The following LUZP1 variants were observed in gnomAD, a reference collection of about 807,000 sequenced individuals.
The protein encoded by LUZP1 is leucine zipper protein 1.
In LUZP1, 25 loss-of-function variants were observed where a neutral mutation model predicts 71.3. The observed-to-expected ratio is 0.35, with a 90% CI of 0.26 to 0.49. The LOEUF (loss-of-function observed/expected upper bound fraction) is 0.49, where lower values mean the gene tolerates loss of function less well. Among genes scored for constraint, LUZP1 ranks in the 20% least tolerant of loss-of-function variants. The pLI is 0.99. For synonymous variants in LUZP1, 481 were observed against 506.4 expected (o/e 0.95, Z 0.67); for missense variants, 1,142 against 1,300.8 (o/e 0.88, Z 1.88).
At chr1:23,125,707 G>A (rs886999106) in intron 2 of LUZP1, among the ~76,000 whole-genome samples, 1 of 152,108 alleles carries the variant, frequency 6.6e-6, no homozygotes, top group Non-Finnish European at 1.5e-5. Context: ...CTGTCTCATC[G>A]ACACATCTTA....
chr1:23,107,188 C>T (rs998969988), intron 3 of LUZP1, among the ~76,000 whole-genome samples: 6 of 152,206 alleles, frequency 3.9e-5, no homozygotes, highest in Non-Finnish European at 7.3e-5. Flanking sequence ...ATCACCTCAT[C>T]AGAGGCCTTC....
intron 2 of LUZP1, among the ~76,000 whole-genome samples, chr1:23,166,373 G>C (rs2148215472): frequency 6.6e-6 from 1 of 152,150 alleles, no homozygotes; most frequent in East Asian, 1.9e-4. Flanking sequence ...CAGGGATGCT[G>C]ACTGGGAGCG....
Position 23,127,673 on chromosome 1 carries a change from G to A in LUZP1, c.-225-18546C>T, listed in dbSNP as rs182455378. ...CAAGTAGCTGGGACTACAAGCGCCC[G>A]CCTCCAAGCCCAGCTAATTTTTTGC... is the stretch of plus-strand genomic sequence containing the variant. On this transcript the variant is annotated intron_variant, in intron 2 of 4. Coordinates refer to ENST00000302291, the Ensembl canonical transcript of LUZP1. Among the ~76,000 whole-genome samples, 773 of 152,140 alleles carry A rather than the reference G, an allele frequency of 5.1e-3. 5 individuals are homozygous for A. The highest frequency in any genetic ancestry group is 0.018 in the African/African-American group (733 of 41,542).
At chr1:23,117,529 G>GGCGGGGGA (rs371517574) in intron 2 of LUZP1, among the ~76,000 whole-genome samples, 61 of 85,602 alleles carry the variant, frequency 7.1e-4, no homozygotes, top group Admixed American at 1.0e-3. Context: ...CGGGGGGGGG[G>GGCGGGGGA]AACACCTTGA....
intron 2 of LUZP1, among the ~76,000 whole-genome samples, chr1:23,132,793 T>C (rs1644225016): frequency 6.6e-6 from 1 of 152,226 alleles, no homozygotes; most frequent in African/African-American, 2.4e-5. Context: ...ATAAGTATTC[T>C]ATCAACTTTT....
rs59486855 is a variant in LUZP1 at position 23,138,697 on chromosome 1, GTATATATA to G, written c.-225-29578_-225-29571del. On this transcript the variant is annotated intron_variant, in intron 2 of 4. Transcript: ENST00000302291. Reference sequence around the variant, plus strand: ...TGTGTGTGTGTGTGTGTGTGTGTGTGTATATATATATATATATAAATGAGGCCAGGCAC... The same window carrying G: ...TGTGTGTGTGTGTGTGTGTGTGTGTGTATATATATAAATGAGGCCAGGCAC... 3.7e-3 allele frequency among the ~76,000 whole-genome samples: 503 copies of G among 135,960 alleles called. 4 individuals are homozygous for G. The highest frequency in any genetic ancestry group is 0.012 in the East Asian group (56 of 4,712). 89.2% of individuals were successfully genotyped at this position (135,960 alleles called of 152,430 possible). A position where few individuals can be genotyped will look rare whatever the true frequency, so the allele number is the denominator to read the frequency against.
intron 2 of LUZP1, among the ~76,000 whole-genome samples, chr1:23,165,099 A>C (rs1439031357): frequency 1.3e-5 from 2 of 152,154 alleles, no homozygotes; most frequent in African/African-American, 4.8e-5. Context: ...TTAAATACCG[A>C]AGGTTTTCCT....
Position 23,095,056 on chromosome 1 carries a change from T to G in LUZP1, c.-119-676A>C, listed in dbSNP as rs535801475. On this transcript the variant is annotated intron_variant, in intron 3 of 4. Transcript: ENST00000302291. ...AGGCAGCTTCTACAAAACATATCCTTTTGCACTGTAAAAGAAATGCCCCAG... is the reference window on the plus strand; with the variant it reads ...AGGCAGCTTCTACAAAACATATCCTGTTGCACTGTAAAAGAAATGCCCCAG... 3.3e-5 allele frequency among the ~76,000 whole-genome samples: 5 copies of G among 152,284 alleles called. 1 individual carries two copies. In the South Asian group the frequency reaches 1.0e-3, roughly 32 times the overall value.
intron 2 of LUZP1, among the ~76,000 whole-genome samples, chr1:23,117,454 C>CCTCCCTCTCTCTCTCTCT (rs1553137817): frequency 3.0e-4 from 4 of 13,358 alleles, no homozygotes; most frequent in African/African-American, 1.3e-3. Context: ...TTTTTTTTTT[C>CCTCCCTCTCTCTCTCTCT]CTCTCTCTCT....
At chr1:23,108,327 C>A (rs890730038) in intron 3 of LUZP1, among the ~76,000 whole-genome samples, 9 of 152,136 alleles carry the variant, frequency 5.9e-5, no homozygotes, top group African/African-American at 1.9e-4. Context: ...TGAAAATAAC[C>A]CACTAGGGTG....
chr1:23,172,668 C>A (rs1414431649), intron 1 of LUZP1, among the ~76,000 whole-genome samples: 1 of 151,708 alleles, frequency 6.6e-6, no homozygotes, highest in Admixed American at 6.6e-5. Flanking sequence ...GAATGATCCA[C>A]CACACCCGGG....
intron 1 of LUZP1, among the ~76,000 whole-genome samples, chr1:23,173,815 T>C (rs1336045166): frequency 6.6e-6 from 1 of 151,766 alleles, no homozygotes; most frequent in Non-Finnish European, 1.5e-5. Flanking sequence ...TCCCATCTCC[T>C]CCTTCGTGGG....
At chr1:23,138,997 CAAAAAAAA>C (rs535524035) in intron 2 of LUZP1, among the ~76,000 whole-genome samples, 1 of 21,582 alleles carries the variant, frequency 4.6e-5, no homozygotes, top group African/African-American at 1.8e-4. Flanking sequence ...GACTCCATCT[CAAAAAAAA>C]AAAAAAAAAA....
intron 2 of LUZP1, among the ~76,000 whole-genome samples, chr1:23,113,873 C>T (rs1644055980): frequency 6.8e-6 from 1 of 147,310 alleles, no homozygotes; most frequent in Admixed American, 6.8e-5. Flanking sequence ...AACGAGACTC[C>T]GTCTCAAAAA....
intron 2 of LUZP1, among the ~76,000 whole-genome samples, chr1:23,117,503 G>C (rs1398832765): frequency 1.3e-4 from 4 of 30,422 alleles, no homozygotes; most frequent in African/African-American, 2.4e-4. Flanking sequence ...CAATCAGGAA[G>C]CCCTGGGGGG....
chr1:23,125,517 C>G (rs1333874848), intron 2 of LUZP1, among the ~76,000 whole-genome samples: 1 of 152,096 alleles, frequency 6.6e-6, no homozygotes, highest in Admixed American at 6.6e-5. Context: ...AGGTAAATAA[C>G]TAGAATTTTC....
chr1:23,118,953 C>A (rs541414233), intron 2 of LUZP1, among the ~76,000 whole-genome samples: 2 of 152,296 alleles, frequency 1.3e-5, no homozygotes, highest in East Asian at 3.9e-4. Flanking sequence ...TTGTCTGTAT[C>A]TCTACTTGAG....
At chr1:23,155,175 C>T (rs1007676491) in intron 2 of LUZP1, among the ~76,000 whole-genome samples, 3 of 152,154 alleles carry the variant, frequency 2.0e-5, no homozygotes, top group Non-Finnish European at 4.4e-5. Context: ...TGTTTACACA[C>T]CCTAACTACA....
chr1:23,136,337 CACACAG>C (rs1644252759), intron 2 of LUZP1, among the ~76,000 whole-genome samples: 1 of 149,344 alleles, frequency 6.7e-6, no homozygotes, highest in South Asian at 2.1e-4. Context: ...CACACACACA[CACACAG>C]AGGGTCCTTC....
Sources: gnomAD v4.1 joint callset for allele counts (sites outside exome capture counted in the v4.1 genomes callset) on GRCh38, gnomAD v4.1.1 for gene constraint, MANE v1.5 for transcripts, NCBI Gene and HGNC (gene_info 2026-07-23, HGNC 2026-07-21) for gene names.